C2orf74: variants seen among roughly 807,000 people sequenced by gnomAD.
C2orf74 encodes the protein DPM1 ER membrane anchor 1, also known as uncharacterized protein C2orf74.
A neutral mutation model predicts 17.9 loss-of-function variants in C2orf74; 14 were observed. That is an observed-to-expected ratio of 0.78 (90% CI 0.52 to 1.22). C2orf74 has a LOEUF of 1.22. C2orf74 is among the 50% of genes most tolerant of loss of function. C2orf74 has a pLI of 0.00. For synonymous variants in C2orf74, 79 were observed against 72.6 expected, an observed-to-expected ratio of 1.09 and a Z score of -0.44; for missense variants, 217 against 218.4, an observed-to-expected ratio of 0.99 and a Z score of 0.04.
intron 1 of C2orf74, among the ~76,000 whole-genome samples, chr2:61,147,101 A>G (rs1685093631): frequency 6.6e-6 from 1 of 151,028 alleles, no homozygotes; most frequent in Non-Finnish European, 1.5e-5. Context: ...CCCAGGAGAC[A>G]GAGGTTACAG....
intron 3 of C2orf74, 34 bp from the exon 4 acceptor site, chr2:61,163,018 T>A (rs1228918436): frequency 1.3e-6 from 2 of 1,552,226 alleles, no homozygotes; most frequent in East Asian, 4.9e-5. Flanking sequence ...TGAGGATGCA[T>A]GAATGTTTAA....
upstream of C2orf74, among the ~76,000 whole-genome samples, chr2:61,158,988 TTTG>T (rs1685481425): frequency 7.1e-6 from 1 of 141,780 alleles, no homozygotes; most frequent in African/African-American, 3.0e-5. Flanking sequence ...TTGTTGTTTG[TTTG>T]TTTGTTTGTT....
At position 61,162,620 on chromosome 2, in the gene C2orf74, A is replaced by T. The variant is rs1018604237; in HGVS notation, c.95+11A>T. On this transcript the variant is annotated intron_variant, in intron 2 of 4. Transcript: ENST00000432605. ...TTTTTTATATAAATGGTATAAATCC[A>T]TGCTGATAATTGGGATCAGATTTCA... The T allele has an allele frequency of 6.9e-7, 1 of 1,450,964 alleles. No homozygotes were observed. The highest frequency in any genetic ancestry group is 9.5e-7 in the Non-Finnish European group (1 of 1,057,576). The allele number at this position is 1,450,964 out of a possible 1,614,324, so 89.9% of individuals were successfully genotyped here.
chr2:61,146,105 A>G (rs1685062039), intron 1 of C2orf74, among the ~76,000 whole-genome samples: 1 of 152,230 alleles, frequency 6.6e-6, no homozygotes, highest in African/African-American at 2.4e-5. Context: ...TATTGATTGT[A>G]ATAGCAAAAG....
chr2:61,163,248 A>C lies in C2orf74; in HGVS notation c.390+16A>C, dbSNP rs992581617. The C allele has an allele frequency of 1.3e-6, 2 of 1,546,974 alleles. No homozygotes were observed. Among genetic ancestry groups the C allele is most frequent in the African/African-American group, 1.4e-5 (1 of 72,564 alleles). ...TCAAGAAGAGGTGATGTGTTTTTCT[A>C]CTCTCAAAGAGCAGTTTAGAATTTG... On this transcript the variant is annotated intron_variant, in intron 4 of 4. Coordinates refer to ENST00000432605, the MANE Select transcript of C2orf74 (RefSeq NM_001143959.4).
chr2:61,157,922 C>T, upstream of C2orf74: 1 of 471,270 alleles, frequency 2.1e-6, no homozygotes, highest in Non-Finnish European at 4.4e-6. Flanking sequence ...CACGTATGCC[C>T]TGGACCATCT....
chr2:61,146,637 C>G (rs1314689263), intron 1 of C2orf74, among the ~76,000 whole-genome samples: 1 of 152,098 alleles, frequency 6.6e-6, no homozygotes, highest in African/African-American at 2.4e-5. Context: ...AGATGGAGAC[C>G]GTCGTGGCCA....
chr2:61,150,429 T>C (rs1338419090), intron 1 of C2orf74, among the ~76,000 whole-genome samples: 1 of 151,850 alleles, frequency 6.6e-6, no homozygotes, highest in Middle Eastern at 3.2e-3. Flanking sequence ...AAAAGAGGAG[T>C]GAGAGCCACA....
intron 1 of C2orf74, among the ~76,000 whole-genome samples, chr2:61,154,911 A>T (rs1685349013): frequency 6.6e-6 from 1 of 151,906 alleles, no homozygotes. Context: ...AAAAAAATAC[A>T]AAAATTAGCT....
At chr2:61,158,007 C>T (rs1326448995), upstream of C2orf74, 4 of 471,072 alleles carry the variant, frequency 8.5e-6, no homozygotes, top group African/African-American at 4.0e-5. Context: ...AGTCTGCAGG[C>T]AGGAGGTAGG....
chr2:61,162,296 C>T lies in C2orf74; in HGVS notation c.-124C>T, dbSNP rs931155602. 1.0e-5 allele frequency: 6 copies of T among 572,396 alleles called. No homozygotes were observed. The highest frequency in any genetic ancestry group is 1.9e-5 in the African/African-American group (1 of 53,238). The allele number at this position is 572,396 out of a possible 1,614,324, so 35.5% of individuals were successfully genotyped here. Reference sequence around the variant, plus strand: ...CCTCTGGCCACCTCAGCCCCCACCACAGTTATGGAGAGAAATTAGCCAGTG... The same window carrying T: ...CCTCTGGCCACCTCAGCCCCCACCATAGTTATGGAGAGAAATTAGCCAGTG... On this transcript the variant is annotated 5_prime_UTR_variant, in exon 1 of 5. Coordinates refer to ENST00000432605, the MANE Select transcript of C2orf74 (RefSeq NM_001143959.4).
At position 61,162,897 on chromosome 2, in the gene C2orf74, G is replaced by A. The variant is rs572366313; in HGVS notation, c.151G>A (p.Gly51Arg). The A allele has an allele frequency of 9.7e-6, 15 of 1,552,538 alleles. No homozygotes were observed. Among genetic ancestry groups the A allele is most frequent in the African/African-American group, 4.1e-5 (3 of 73,164 alleles). The change falls in exon 3 of 5, where the codon GGA becomes AGA. Residue 51 changes from glycine (G) to arginine (R), a missense_variant. Physicochemically the swap from Gly to Arg is moderately radical, Grantham distance 125. Transcript: ENST00000432605. ...GAAAGTGCCTTGTACAGATGCAAACGGAGGTGTAGACTGTGCAGCTGCCAA... is the reference window on the plus strand; with the variant it reads ...GAAAGTGCCTTGTACAGATGCAAACAGAGGTGTAGACTGTGCAGCTGCCAA... The part of the protein sequence containing the change: ...TKKVPCTDAN[G>R]GVDCAAAKVV...
In C2orf74 at chr2:61,164,733, C is replaced by A; in HGVS notation, c.*206C>A. The A allele has an allele frequency of 2.5e-6, 1 of 396,346 alleles. No individual in the cohort carries two copies. 24.6% of individuals were successfully genotyped at this position (396,346 alleles called of 1,614,324 possible). On this transcript the variant is annotated 3_prime_UTR_variant, in exon 5 of 5. Transcript: ENST00000432605. ...GCTTGAATATAATTTTTTAAAAATT[C>A]AAATCTGAGTTCAAGAAATTGATTG...
chr2:61,162,727 T>TC, intron 2 of C2orf74, 115 bp from the exon 3 acceptor site: 1 of 1,099,476 alleles, frequency 9.1e-7, no homozygotes, highest in Non-Finnish European at 1.3e-6. Context: ...TATCTACTTT[T>TC]CCATTTCAGC....
chr2:61,158,472 A>G (rs1453274596), upstream of C2orf74, among the ~76,000 whole-genome samples: 3 of 152,178 alleles, frequency 2.0e-5, no homozygotes, highest in African/African-American at 7.2e-5. Flanking sequence ...GAACTCAGAA[A>G]AAGCACGATT....
At chr2:61,151,429 C>T (rs994896299) in intron 1 of C2orf74, 14 of 149,822 alleles carry the variant, frequency 9.3e-5, no homozygotes, top group Admixed American at 8.1e-4. Flanking sequence ...CAAAACTTAG[C>T]AGCTTAATTC....
At position 61,157,075 on chromosome 2, in the gene C2orf74, G is replaced by A. The variant is rs912695927; in HGVS notation, c.-121-5767G>A. On this transcript the variant is annotated intron_variant, in intron 1 of 3. Coordinates refer to the C2orf74 transcript ENST00000426997. ...ATTTGAGATGAAGTCTCACTCTGTC[G>A]CCCAGGCTGGAGTGCAGTGGCGCGA... 2.6e-5 allele frequency among the ~76,000 whole-genome samples: 4 copies of A among 152,198 alleles called. No individual in the cohort carries two copies. In the East Asian group the frequency reaches 5.8e-4, roughly 22 times the overall value.
intron 1 of C2orf74, among the ~76,000 whole-genome samples, chr2:61,152,393 T>C (rs372896344): frequency 1.9e-3 from 286 of 150,654 alleles, no homozygotes; most frequent in Middle Eastern, 7.0e-3. Context: ...TACAAAAAAT[T>C]AGCCAGGCGT....
chr2:61,163,475 C>A (rs1041302583), intron 4 of C2orf74, among the ~76,000 whole-genome samples: 4 of 151,596 alleles, frequency 2.6e-5, no homozygotes, highest in Admixed American at 1.3e-4. Flanking sequence ...GTGGTGGCAC[C>A]CGCCTGTAAT....
Sources: allele counts gnomAD v4.1 joint callset (sites outside exome capture counted in the v4.1 genomes callset), GRCh38; gene constraint gnomAD v4.1.1; transcripts MANE v1.5; gene names NCBI Gene and HGNC (gene_info 2026-07-23, HGNC 2026-07-21).